CRYBG1: variants seen among roughly 807,000 people sequenced by gnomAD.
CRYBG1 encodes the protein beta/gamma crystallin domain-containing protein 1.
CRYBG1 carries 139 observed loss-of-function variants against 189.2 expected under a neutral mutation model. The ratio of observed to expected loss-of-function variants is 0.73; its 90% CI spans 0.64 to 0.85. The LOEUF (loss-of-function observed/expected upper bound fraction) is 0.85. CRYBG1 is among the 40% of genes least tolerant of loss of function. The pLI, the probability that CRYBG1 is intolerant of heterozygous loss-of-function variation, is 0.00. For missense variants in CRYBG1, 2,611 were observed against 2,675.8 expected, an observed-to-expected ratio of 0.98 and a Z score of 0.53; for synonymous variants, 1,023 against 1,017.1, an observed-to-expected ratio of 1.01 and a Z score of -0.11.
At chr6:106,380,977 G>A (rs1216957400) in intron 1 of CRYBG1, among the ~76,000 whole-genome samples, 5 of 152,114 alleles carry the variant, frequency 3.3e-5, no homozygotes, top group Admixed American at 1.3e-4. Context: ...ATTGCAAATG[G>A]GAAAGAGGAA....
intron 8 of CRYBG1, among the ~76,000 whole-genome samples, chr6:106,534,283 A>G (rs868039582): frequency 6.6e-5 from 10 of 152,128 alleles, no homozygotes; most frequent in Non-Finnish European, 1.3e-4. Flanking sequence ...CCAGCCTGTC[A>G]CAGCTTACAA....
intron 8 of CRYBG1, 125 bp from the exon 9 acceptor site, chr6:106,539,278 C>G (rs1774075661): frequency 9.2e-7 from 1 of 1,091,352 alleles, no homozygotes; most frequent in African/African-American, 1.6e-5. Context: ...TGAGTCCAAC[C>G]ATTCATTATG....
intron 11 of CRYBG1, among the ~76,000 whole-genome samples, chr6:106,543,978 G>A (rs1408207202): frequency 1.3e-5 from 2 of 152,206 alleles, no homozygotes; most frequent in African/African-American, 4.8e-5. Context: ...CTTGAACTCA[G>A]GAGGCAAAGG....
chr6:106,534,395 T>C (rs1773943967), intron 8 of CRYBG1, among the ~76,000 whole-genome samples: 1 of 152,166 alleles, frequency 6.6e-6, no homozygotes, highest in African/African-American at 2.4e-5. Flanking sequence ...CTCGTTGAAC[T>C]TGGTTGGTGA....
At chr6:106,467,573 T>C (rs866644147) in intron 2 of CRYBG1, among the ~76,000 whole-genome samples, 1 of 152,282 alleles carries the variant, frequency 6.6e-6, no homozygotes, top group East Asian at 1.9e-4. Context: ...ATTTATTCTT[T>C]TAAGAAAATG....
At chr6:106,417,187 G>T (rs77585915) in intron 1 of CRYBG1, among the ~76,000 whole-genome samples, 7,862 of 151,416 alleles carry the variant, frequency 0.052, 637 homozygotes, top group African/African-American at 0.17. Context: ...AAAAGACAGG[G>T]TCTGACTAAA....
At chr6:106,544,096 A>G (rs574062497) in intron 11 of CRYBG1, among the ~76,000 whole-genome samples, 1 of 152,302 alleles carries the variant, frequency 6.6e-6, no homozygotes, top group East Asian at 1.9e-4. Flanking sequence ...CAAATCTACA[A>G]CCTTGCTTAT....
intron 1 of CRYBG1, among the ~76,000 whole-genome samples, chr6:106,399,546 A>G (rs1352904675): frequency 6.6e-6 from 1 of 152,208 alleles, no homozygotes; most frequent in Non-Finnish European, 1.5e-5. Context: ...TAAAGGCCAT[A>G]TGGACCTAGT....
chr6:106,543,365 A>G (rs1774180576), intron 10 of CRYBG1, 75 bp from the exon 11 acceptor site: 6 of 1,429,016 alleles, frequency 4.2e-6, no homozygotes, highest in Non-Finnish European at 5.8e-6. Flanking sequence ...ACTTAGTGAT[A>G]TTAAATGACT....
intron 2 of CRYBG1, among the ~76,000 whole-genome samples, chr6:106,480,715 T>TA (rs1772432740): frequency 6.6e-6 from 1 of 150,900 alleles, no homozygotes; most frequent in South Asian, 2.1e-4. Context: ...CTCACGCCTA[T>TA]AATCCCAGCA....
chr6:106,454,216 A>G (rs916430672), intron 2 of CRYBG1, among the ~76,000 whole-genome samples: 3 of 152,046 alleles, frequency 2.0e-5, no homozygotes, highest in African/African-American at 7.2e-5. Context: ...CTCACTCTGC[A>G]TATCATACCA....
chr6:106,561,233 A>G, intron 19 of CRYBG1, 109 bp from the exon 20 acceptor site: 1 of 1,208,226 alleles, frequency 8.3e-7, no homozygotes, highest in South Asian at 1.5e-5. Flanking sequence ...TGAGTATGGT[A>G]ATTACCCTTA....
chr6:106,533,697 G>GCC (rs1773924882), intron 8 of CRYBG1, among the ~76,000 whole-genome samples: 1 of 152,162 alleles, frequency 6.6e-6, no homozygotes, highest in South Asian at 2.1e-4. Context: ...CCAGGGTTTG[G>GCC]AACCCCAACA....
intron 1 of CRYBG1, among the ~76,000 whole-genome samples, chr6:106,436,410 T>C (rs565975861): frequency 1.1e-3 from 173 of 151,966 alleles, no homozygotes; most frequent in African/African-American, 4.2e-3. Context: ...TCCATTCTCC[T>C]GCCTCAGCCT....
chr6:106,509,509 C>A (rs995927943), intron 2 of CRYBG1, among the ~76,000 whole-genome samples: 49 of 152,296 alleles, frequency 3.2e-4, no homozygotes, highest in African/African-American at 1.2e-3. Context: ...GAGCTCCGAG[C>A]GGCTGCACCA....
intron 1 of CRYBG1, among the ~76,000 whole-genome samples, chr6:106,438,368 A>G (rs1781740316): frequency 6.6e-6 from 1 of 152,208 alleles, no homozygotes; most frequent in Non-Finnish European, 1.5e-5. Context: ...TGCCGTAAAC[A>G]TGGTCACTTA....
At chr6:106,377,922 A>G (rs539667012) in intron 1 of CRYBG1, among the ~76,000 whole-genome samples, 1 of 152,174 alleles carries the variant, frequency 6.6e-6, no homozygotes, top group Admixed American at 6.5e-5. Context: ...TTTTAATTTT[A>G]GATTTCTCAG....
chr6:106,378,206 G>A (rs1275738390), intron 1 of CRYBG1, among the ~76,000 whole-genome samples: 2 of 152,184 alleles, frequency 1.3e-5, no homozygotes, highest in Admixed American at 6.5e-5. Context: ...TCCCACAGGT[G>A]AGTAGACAAA....
intron 2 of CRYBG1, among the ~76,000 whole-genome samples, chr6:106,479,037 G>A (rs1055819074): frequency 6.6e-6 from 1 of 152,112 alleles, no homozygotes; most frequent in South Asian, 2.1e-4. Flanking sequence ...CATTTTCAAG[G>A]TTCTTCCATG....
Sources: gnomAD v4.1 joint callset for allele counts (sites outside exome capture counted in the v4.1 genomes callset) on GRCh38, gnomAD v4.1.1 for gene constraint, MANE v1.5 for transcripts, NCBI Gene and HGNC (gene_info 2026-07-23, HGNC 2026-07-21) for gene names.